The following CEP162 variants were observed in gnomAD, a reference collection of about 807,000 sequenced individuals.
The protein encoded by CEP162 is centrosomal protein of 162 kDa.
Under a neutral mutation model 169.2 loss-of-function variants are expected in CEP162, and 141 were observed. The observed-to-expected ratio is 0.83, with a 90% CI of 0.73 to 0.96. The LOEUF is 0.96. Ranked by LOEUF, CEP162 falls within the 40% of genes least tolerant of loss-of-function variation. CEP162 has a pLI of 0.00. For missense variants in CEP162, 1,600 were observed against 1,587.2 expected (o/e 1.01, Z -0.14); for synonymous variants, 540 against 526.4 (o/e 1.03, Z -0.35).
chr6:84,205,578 C>T (rs748267005), intron 6 of CEP162, among the ~76,000 whole-genome samples: 7 of 151,996 alleles, frequency 4.6e-5, no homozygotes, highest in African/African-American at 1.7e-4. Flanking sequence ...CTCAAAATAA[C>T]AAGAGCTATT....
At chr6:84,219,255 T>C (rs1335552414) in intron 3 of CEP162, 3 of 843,148 alleles carry the variant, frequency 3.6e-6, no homozygotes, top group African/African-American at 3.5e-5. Flanking sequence ...AACCGTTTGC[T>C]TGAATCAGGG....
Position 84,133,243 on chromosome 6 carries a change from C to T in CEP162, c.3871-6731G>A, listed in dbSNP as rs188255888. On this transcript the variant is annotated intron_variant, in intron 25 of 26. Coordinates refer to ENST00000403245, the MANE Select transcript of CEP162 (RefSeq NM_014895.4). ...GGGAGCTTTGTCTCAGAGGGGCACC[C>T]GGCTGTATGAGGTGTCAGTTGGCCC... is the stretch of plus-strand genomic sequence containing the variant. Among the ~76,000 whole-genome samples, 534 of 152,212 alleles carry T rather than the reference C, an allele frequency of 3.5e-3. 2 individuals are homozygous for T. Among genetic ancestry groups the T allele is most frequent in the Non-Finnish European group, 5.6e-3 (384 of 68,002 alleles).
chr6:84,178,604 C>A (rs2099533362), intron 13 of CEP162, among the ~76,000 whole-genome samples: 2 of 152,098 alleles, frequency 1.3e-5, no homozygotes, highest in African/African-American at 2.4e-5. Flanking sequence ...GTAACCTTTG[C>A]TTAATACCTG....
rs200917055 is a variant in CEP162 at position 84,152,792 on chromosome 6, C to G, written c.3382G>C (p.Glu1128Gln). The G allele has an allele frequency of 1.4e-4, 229 of 1,613,502 alleles. No homozygotes were observed. The Admixed American group carries it at 1.5e-3, about 10-fold the overall frequency. ...TTTGCCCTTTTGGCAGACATTTCCTCTCTGCCCTTTGAGTTCTGATTTGAT... is the reference window on the plus strand; with the variant it reads ...TTTGCCCTTTTGGCAGACATTTCCTGTCTGCCCTTTGAGTTCTGATTTGAT... Reference protein sequence around the residue: ...MLSNQNSKGREEMSAKRAKKD... With the variant: ...MLSNQNSKGRQEMSAKRAKKD... Residue 1128 changes from glutamate (E) to glutamine (Q), a missense_variant, in exon 23 of 27, where the codon GAG becomes CAG. Physicochemically the swap from Glu to Gln is conservative, Grantham distance 29. Coordinates refer to ENST00000403245, the MANE Select transcript of CEP162 (RefSeq NM_014895.4).
intron 9 of CEP162, among the ~76,000 whole-genome samples, chr6:84,196,132 C>G (rs867044659): frequency 6.6e-6 from 1 of 152,172 alleles, no homozygotes; most frequent in South Asian, 2.1e-4. Flanking sequence ...TAAATTGTAA[C>G]TCCCACAATT....
intron 1 of CEP162, among the ~76,000 whole-genome samples, chr6:84,227,156 C>T (rs2099556055): frequency 1.3e-5 from 2 of 152,148 alleles, no homozygotes; most frequent in Admixed American, 1.3e-4. Flanking sequence ...CTAATGAACC[C>T]AACCTTGGGT....
At chr6:84,138,226 C>T (rs1237872351) in intron 25 of CEP162, among the ~76,000 whole-genome samples, 1 of 152,154 alleles carries the variant, frequency 6.6e-6, no homozygotes, top group Non-Finnish European at 1.5e-5. Context: ...CTTTAAATAA[C>T]TAGAAAACAG....
At position 84,156,743 on chromosome 6, in the gene CEP162, GACACAC is replaced by G. The variant is rs71736099; in HGVS notation, c.2782-1239_2782-1234del. Among the ~76,000 whole-genome samples the G allele has an allele frequency of 9.1e-3, 1,147 of 125,652 alleles. 14 individuals carry two copies. Among genetic ancestry groups the G allele is most frequent in the African/African-American group, 0.043 (1,085 of 25,190 alleles). The allele number at this position is 125,652 out of a possible 152,430, so 82.4% of individuals were successfully genotyped here. A position where few individuals can be genotyped will look rare whatever the true frequency, so the allele number is the denominator to read the frequency against. On this transcript the variant is annotated intron_variant, in intron 21 of 26. Coordinates refer to ENST00000403245, the MANE Select transcript of CEP162 (RefSeq NM_014895.4). ...AAAGGAAAATAAATCGTATCAAAAA[GACACAC>G]ACACACACACACACACACACACAAA...
rs138143705 is a variant in CEP162, at chr6:84,142,769, T to A, written c.3870+3918A>T. Among the ~76,000 whole-genome samples, 934 of 152,186 alleles carry A rather than the reference T, an allele frequency of 6.1e-3. 10 individuals are homozygous for A. The highest frequency in any genetic ancestry group is 9.2e-3 in the Non-Finnish European group (622 of 67,962). On this transcript the variant is annotated intron_variant, in intron 25 of 26. Transcript: ENST00000403245. ...AAAGACCTAGGAGTTCATCCCCAAATCAAACGTGCAAGTCGAAGTACAGTA... is the reference window on the plus strand; with the variant it reads ...AAAGACCTAGGAGTTCATCCCCAAAACAAACGTGCAAGTCGAAGTACAGTA...
intron 19 of CEP162, among the ~76,000 whole-genome samples, 166 bp downstream of exon 19, chr6:84,162,978 A>G (rs2099526378): frequency 6.6e-6 from 1 of 152,172 alleles, no homozygotes; most frequent in Non-Finnish European, 1.5e-5. Context: ...GTTAAACCCA[A>G]TCAAATTCAC....
At chr6:84,132,365 A>G (rs1218802618) in intron 25 of CEP162, among the ~76,000 whole-genome samples, 1 of 152,020 alleles carries the variant, frequency 6.6e-6, no homozygotes, top group African/African-American at 2.4e-5. Flanking sequence ...TGTTCTCTGT[A>G]TTTCCTGAAT....
chr6:84,204,382 C>T (rs1209386176), intron 6 of CEP162, among the ~76,000 whole-genome samples: 1 of 152,180 alleles, frequency 6.6e-6, no homozygotes, highest in Non-Finnish European at 1.5e-5. Context: ...AACTGTCTCT[C>T]AGACCACAGT....
At chr6:84,176,027 T>C (rs1352768455) in intron 13 of CEP162, among the ~76,000 whole-genome samples, 4 of 152,148 alleles carry the variant, frequency 2.6e-5, no homozygotes, top group Non-Finnish European at 4.4e-5. Context: ...TAGTATTCAG[T>C]TAGTAATAAA....
At chr6:84,178,672 A>T (rs940800647) in intron 13 of CEP162, among the ~76,000 whole-genome samples, 3 of 151,966 alleles carry the variant, frequency 2.0e-5, no homozygotes, top group Non-Finnish European at 4.4e-5. Context: ...TCTTTTTTAA[A>T]TTTTTTATTT....
intron 13 of CEP162, among the ~76,000 whole-genome samples, chr6:84,179,901 A>G (rs1403111220): frequency 6.6e-6 from 1 of 152,176 alleles, no homozygotes; most frequent in Non-Finnish European, 1.5e-5. Context: ...TCACAGCCAA[A>G]TTCTACCAGA....
At chr6:84,156,067 T>A (rs117664299) in intron 21 of CEP162, among the ~76,000 whole-genome samples, 6,445 of 151,972 alleles carry the variant, frequency 0.042, 199 homozygotes, top group Admixed American at 0.086. Context: ...AACCCAAAAA[T>A]TAAGCCACAT....
At chr6:84,187,248 A>C (rs2099537564) in intron 11 of CEP162, among the ~76,000 whole-genome samples, 1 of 152,222 alleles carries the variant, frequency 6.6e-6, no homozygotes, top group Non-Finnish European at 1.5e-5. Flanking sequence ...CAACGTAAGG[A>C]AATGTTTTAA....
intron 7 of CEP162, 73 bp downstream of exon 7, chr6:84,203,908 C>T: frequency 1.3e-6 from 1 of 754,238 alleles, no homozygotes; most frequent in Non-Finnish European, 2.1e-6. Context: ...TTTTTGAGCT[C>T]TTCATATAGC....
intron 16 of CEP162, among the ~76,000 whole-genome samples, chr6:84,172,114 G>GAA (rs140102120): frequency 5.1e-4 from 76 of 149,866 alleles, no homozygotes; most frequent in African/African-American, 1.8e-3. Flanking sequence ...CAAGAGAGGG[G>GAA]AAAAAAAAAA....
Sources: gnomAD v4.1 joint callset for allele counts (sites outside exome capture counted in the v4.1 genomes callset) on GRCh38, gnomAD v4.1.1 for gene constraint, MANE v1.5 for transcripts, NCBI Gene and HGNC (gene_info 2026-07-23, HGNC 2026-07-21) for gene names.